The following HDAC11 variants were observed in gnomAD, a reference collection of about 807,000 sequenced individuals.
The protein encoded by HDAC11 is histone deacetylase 11.
In HDAC11, 23 loss-of-function variants were observed where a neutral mutation model predicts 41.1. The observed-to-expected ratio is 0.56, with a 90% confidence interval of 0.40 to 0.79. The LOEUF is 0.79. Ranked by LOEUF, HDAC11 falls within the 30% of genes least tolerant of loss-of-function variation. The pLI is 0.00. For synonymous variants in HDAC11, 187 were observed against 186.6 expected (o/e 1.00, Z -0.02); for missense variants, 402 against 477.3 (o/e 0.84, Z 1.47).
intron 3 of HDAC11, among the ~76,000 whole-genome samples, chr3:13,486,131 G>A (rs1701553242): frequency 6.6e-6 from 1 of 152,006 alleles, no homozygotes; most frequent in South Asian, 2.1e-4. Context: ...GCCAGGCATG[G>A]TAGTGCATGC....
rs980745965 is a variant in HDAC11, at chr3:13,504,361, G to GA, written c.828+90dup. On this transcript the variant is annotated intron_variant, in intron 9 of 9. Coordinates refer to ENST00000295757, the MANE Select transcript of HDAC11 (RefSeq NM_024827.4). ...GTGGGCGGCCTCATGTCAGGGAGGA[G>GA]ATGGACTGAAGCAACAGCAGTTTGG... 2.5e-6 allele frequency: 4 copies of GA among 1,586,146 alleles called. No individual in the cohort carries two copies. In the African/African-American group the frequency reaches 5.4e-5, roughly 21 times the overall value.
chr3:13,483,360 G>C, intron 2 of HDAC11, 104 bp from the exon 3 acceptor site: 1 of 921,724 alleles, frequency 1.1e-6, no homozygotes, highest in East Asian at 2.4e-5. Flanking sequence ...CTACCCCTGG[G>C]GCAGGGGCTG....
chr3:13,501,649 C>T (rs1308611224), intron 6 of HDAC11: 1 of 709,158 alleles, frequency 1.4e-6, no homozygotes, highest in African/African-American at 1.8e-5. Context: ...CATGCCCCCT[C>T]CTCCAGGGAG....
intron 6 of HDAC11, 43 bp from the exon 7 acceptor site, chr3:13,501,828 T>G: frequency 6.3e-7 from 1 of 1,588,600 alleles, no homozygotes. Context: ...CTGGGTCCTC[T>G]GTCCGCCCCA....
At chr3:13,488,247 A>C (rs1701685318) in intron 3 of HDAC11, among the ~76,000 whole-genome samples, 1 of 152,086 alleles carries the variant, frequency 6.6e-6, no homozygotes, top group Admixed American at 6.5e-5. Context: ...CCTTTAAAAA[A>C]AAATTTTTTT....
Position 13,504,243 on chromosome 3 carries a change from CGCCTTGGGGGGCTGTCCATCAG to C in HDAC11, c.800_821del (p.Arg267ProfsTer6). The C allele has an allele frequency of 6.2e-7, 1 of 1,613,550 alleles. No individual in the cohort carries two copies. The highest frequency in any genetic ancestry group is 8.5e-7 in the Non-Finnish European group (1 of 1,180,026). ...AGGCACCGACATCCTCGAGGGGGAC[CGCCTTGGGGGGCTGTCCATCAG>C]CCCAGCGGTACGTCCTGACCCTTGG... On this transcript the variant is annotated frameshift_variant, in exon 9 of 10. Transcript: ENST00000295757. LOFTEE classifies it high-confidence loss of function.
chr3:13,481,504 C>T (rs1483112471), intron 2 of HDAC11, 110 bp downstream of exon 2: 1 of 1,303,660 alleles, frequency 7.7e-7, no homozygotes, highest in Admixed American at 2.0e-5. Context: ...AGTTTCAGCC[C>T]TCGGATGGCC....
rs1028049095 is a variant in HDAC11 at position 13,480,364 on chromosome 3, G to A, written c.2+15G>A. The A allele has an allele frequency of 3.5e-5, 42 of 1,210,960 alleles. No individual in the cohort carries two copies. In the East Asian group the frequency reaches 1.3e-3, roughly 37 times the overall value. The allele number at this position is 1,210,960 out of a possible 1,614,324, so 75.0% of individuals were successfully genotyped here. ...GGCCCCGGGATGTGAGTGCCGCGGG[G>A]CGAGGGCGGGGGTGGGCTCCCAGGG... On this transcript the variant is annotated intron_variant, in intron 1 of 9. Coordinates refer to ENST00000295757, the MANE Select transcript of HDAC11 (RefSeq NM_024827.4). The surrounding 1 kb of genome is among the most constrained non-coding windows in gnomAD (Gnocchi z 4.6).
rs1702622194 is a variant in HDAC11 at position 13,506,272 on chromosome 3, G to A, written c.*1589G>A. 6.6e-6 allele frequency: 1 copy of A among 152,246 alleles called. No homozygotes were observed. Among genetic ancestry groups the A allele is most frequent in the Non-Finnish European group, 1.5e-5 (1 of 68,064 alleles). 9.4% of individuals were successfully genotyped at this position (152,246 alleles called of 1,614,324 possible). ...GAGCTTCTGTTCCTAGAGAATCCTA[G>A]AGGCTTGATTGGCCCAGGCTGCTGT... On this transcript the variant is annotated 3_prime_UTR_variant, in exon 10 of 10. Transcript: ENST00000295757.
rs145222745 is a variant in HDAC11 at position 13,504,233 on chromosome 3, C to T, written c.789C>T (p.Leu263=). The T allele has an allele frequency of 1.2e-5, 20 of 1,613,504 alleles. No individual in the cohort carries two copies. The highest frequency in any genetic ancestry group is 5.5e-5 in the South Asian group (5 of 91,086). ...TATACAATGCAGGCACCGACATCCT[C>T]GAGGGGGACCGCCTTGGGGGGCTGT... ...VVVYNAGTDI[L]EGDRLGGLSI... The change falls in exon 9 of 10, where the codon CTC becomes CTT. Residue 263 remains leucine (L), a synonymous_variant. Coordinates refer to ENST00000295757, the MANE Select transcript of HDAC11 (RefSeq NM_024827.4).
At chr3:13,489,853 T>A (rs1701766174) in intron 3 of HDAC11, among the ~76,000 whole-genome samples, 1 of 151,998 alleles carries the variant, frequency 6.6e-6, no homozygotes, top group Non-Finnish European at 1.5e-5. Context: ...CAGGCATGTG[T>A]GAGCCACTGC....
rs768503634 is a variant in HDAC11, at chr3:13,483,467, A to G, written c.155A>G (p.Glu52Gly). 11 of 1,613,410 alleles carry G rather than the reference A, an allele frequency of 6.8e-6. No homozygotes were observed. The highest frequency in any genetic ancestry group is 9.3e-6 in the Non-Finnish European group (11 of 1,179,558). ...WGKVINFLKE[E>G]KLLSDSMLVE... is the part of the protein sequence containing the mutation. ...GATGCTCCCTCTGTGGTTTCAGAAG[A>G]GAAGCTTCTGTCTGACAGCATGCTG... The change falls in exon 3 of 10, where the codon GAG (glutamate) becomes GGG (glycine). Residue 52 changes from glutamate (E) to glycine (G), a missense_variant. By Grantham distance (98) the Glu-to-Gly change is moderately conservative. Coordinates refer to ENST00000295757, the MANE Select transcript of HDAC11 (RefSeq NM_024827.4).
intron 4 of HDAC11, 126 bp from the exon 5 acceptor site, chr3:13,498,387 A>G (rs1202429992): frequency 8.5e-7 from 1 of 1,182,128 alleles, no homozygotes; most frequent in African/African-American, 1.5e-5. Context: ...CCTGCCTTGT[A>G]GCTCAGCTCA....
chr3:13,494,941 C>T (rs371976580), intron 3 of HDAC11, among the ~76,000 whole-genome samples: 95 of 152,212 alleles, frequency 6.2e-4, no homozygotes, highest in Middle Eastern at 6.8e-3. Context: ...CTCTGAGGTT[C>T]GTCACCCCTC....
intron 3 of HDAC11, among the ~76,000 whole-genome samples, chr3:13,486,541 C>T (rs1408389314): frequency 7.3e-6 from 1 of 137,600 alleles, no homozygotes; most frequent in African/African-American, 2.8e-5. Flanking sequence ...TGAGACTAAA[C>T]AAAGGAGCAG....
Position 13,504,172 on chromosome 3 carries a change from A to G in HDAC11, c.728A>G (p.Lys243Arg), listed in dbSNP as rs1198300467. ...EYLDKVERNI[K>R]KSLQEHLPDV... ...CTGGATAAGGTGGAGAGGAACATCA[A>G]GAAATCCCTCCAGGAGCACCTGCCC... Residue 243 changes from lysine (K) to arginine (R), a missense_variant, in exon 9 of 10, where the codon AAG becomes AGG. Physicochemically the swap from Lys to Arg is conservative, Grantham distance 26. Transcript: ENST00000295757. 3 of 1,614,076 alleles carry G rather than the reference A, an allele frequency of 1.9e-6. No individual in the cohort carries two copies. The Admixed American group carries it at 5.0e-5, about 27-fold the overall frequency.
intron 9 of HDAC11, 67 bp from the exon 10 acceptor site, chr3:13,504,401 T>C: frequency 6.3e-7 from 1 of 1,598,148 alleles, no homozygotes; most frequent in Non-Finnish European, 8.5e-7. Flanking sequence ...GGGCTAGCCC[T>C]GCAGCAGGAC....
chr3:13,504,847 G>A lies in HDAC11; in HGVS notation c.*164G>A. On this transcript the variant is annotated 3_prime_UTR_variant, in exon 10 of 10. Transcript: ENST00000295757. ...GCCCTTCCTCTACTTTTCCCTGCTG[G>A]AAGCCAGAAGGGCTTGAGGCCTCTA... is the stretch of plus-strand genomic sequence containing the variant. 1 of 667,520 alleles carries A rather than the reference G, an allele frequency of 1.5e-6. No homozygotes were observed. The highest frequency in any genetic ancestry group is 2.6e-6 in the Non-Finnish European group (1 of 387,376). The allele number at this position is 667,520 out of a possible 1,614,324, so 41.3% of individuals were successfully genotyped here. A position where few individuals can be genotyped will look rare whatever the true frequency, so the allele number is the denominator to read the frequency against.
At chr3:13,497,534 A>G (rs901253498) in intron 4 of HDAC11, among the ~76,000 whole-genome samples, 1 of 152,186 alleles carries the variant, frequency 6.6e-6, no homozygotes, top group African/African-American at 2.4e-5. Flanking sequence ...TCAGTGATGA[A>G]TAAGCCTCCA....
Sources: gnomAD v4.1 joint callset for allele counts (sites outside exome capture counted in the v4.1 genomes callset) on GRCh38, gnomAD v4.1.1 for gene constraint, Gnocchi (gnomAD v3.1) non-coding constraint, MANE v1.5 for transcripts, NCBI Gene and HGNC (gene_info 2026-07-23, HGNC 2026-07-21) for gene names.